The following CRAMP1 variants were observed in gnomAD, a reference collection of about 807,000 sequenced individuals.
CRAMP1 encodes cramped chromatin regulator 1, also known as protein cramped-like.
A neutral mutation model predicts 115.4 loss-of-function variants in CRAMP1; 50 were observed. The ratio of observed to expected loss-of-function variants is 0.43; its 90% confidence interval spans 0.35 to 0.55. CRAMP1 has a LOEUF of 0.55. Ranked by LOEUF, CRAMP1 falls within the 20% of genes least tolerant of loss-of-function variation. CRAMP1 has a pLI of 0.01. For missense variants in CRAMP1, 1,679 were observed against 1,721.7 expected (o/e 0.98, Z 0.44); for synonymous variants, 866 against 745.4 (o/e 1.16, Z -2.64).
At chr16:1,622,979 T>G (rs1025134985) in intron 2 of CRAMP1, among the ~76,000 whole-genome samples, 2 of 152,002 alleles carry the variant, frequency 1.3e-5, no homozygotes, top group Non-Finnish European at 2.9e-5. Flanking sequence ...CAGACTGATC[T>G]CGAATTCCTG....
intron 7 of CRAMP1, 67 bp downstream of exon 7, chr16:1,652,648 G>C (rs1310521925): frequency 7.2e-7 from 1 of 1,387,428 alleles, no homozygotes; most frequent in African/African-American, 1.4e-5. Flanking sequence ...TGATGGGCAG[G>C]CTGAGCTACC....
At chr16:1,648,319 T>C (rs188652095) in intron 6 of CRAMP1, among the ~76,000 whole-genome samples, 346 of 152,226 alleles carry the variant, frequency 2.3e-3, no homozygotes, top group African/African-American at 8.0e-3. Flanking sequence ...TATTTTAGAA[T>C]TGACTTGAGC....
At chr16:1,657,063 C>T in intron 10 of CRAMP1, 71 bp downstream of exon 10, 2 of 1,348,302 alleles carry the variant, frequency 1.5e-6, no homozygotes, top group South Asian at 3.0e-5. Context: ...GGGCTCCCTG[C>T]TGGGTAGCTA....
chr16:1,636,239 C>T lies in CRAMP1; in HGVS notation c.695-1585C>T, dbSNP rs531529033. Among the ~76,000 whole-genome samples the T allele has an allele frequency of 3.3e-5, 5 of 152,196 alleles. No homozygotes were observed. The East Asian group carries it at 9.7e-4, about 29-fold the overall frequency. ...TACAAACATTAGCAGGGCGTGGTGG[C>T]GCATGCCTGTAATCCCAGCTACTTG... is the stretch of plus-strand genomic sequence containing the variant. On this transcript the variant is annotated intron_variant, in intron 4 of 20. Transcript: ENST00000397412.
chr16:1,659,972 C>A lies in CRAMP1; in HGVS notation c.2322C>A (p.Thr774=), dbSNP rs377062723. The change falls in exon 11 of 21, where the codon ACC becomes ACA. Residue 774 remains threonine (T), a synonymous_variant. Coordinates refer to ENST00000397412, the MANE Select transcript of CRAMP1 (RefSeq NM_020825.4). ...QSMTPPGKVV[T]VSSRSPRCPR... is the part of the protein sequence containing the mutation. ...TGACGCCCCCAGGGAAGGTGGTGACCGTCAGCTCTCGCAGCCCCCGCTGCC... is the reference window on the plus strand; with the variant it reads ...TGACGCCCCCAGGGAAGGTGGTGACAGTCAGCTCTCGCAGCCCCCGCTGCC... The A allele has an allele frequency of 1.9e-6, 3 of 1,608,828 alleles. No individual in the cohort carries two copies. The East Asian group carries it at 6.7e-5, about 36-fold the overall frequency.
At chr16:1,665,654 T>C in intron 14 of CRAMP1, 1 of 223,148 alleles carries the variant, frequency 4.5e-6, no homozygotes, top group Non-Finnish European at 8.9e-6. Context: ...CAGCTGTCAA[T>C]TGCTTTTTCT....
At position 1,614,672 on chromosome 16, in the gene CRAMP1, G is replaced by A; in HGVS notation, c.33G>A (p.Gly11=). 7.7e-7 allele frequency: 1 copy of A among 1,303,512 alleles called. No individual in the cohort carries two copies. The highest frequency in any genetic ancestry group is 1.5e-5 in the African/African-American group (1 of 64,652). The allele number at this position is 1,303,512 out of a possible 1,614,324, so 80.7% of individuals were successfully genotyped here. MTVKLGDGGS[G]EDGLKKLGKR... is the part of the protein sequence containing the mutation. ...TGAAGTTGGGCGACGGCGGCAGCGGGGAGGACGGGCTCAAGAAGCTGGGCA... is the reference window on the plus strand; with the variant it reads ...TGAAGTTGGGCGACGGCGGCAGCGGAGAGGACGGGCTCAAGAAGCTGGGCA... The change falls in exon 2 of 21, where the codon GGG becomes GGA. Residue 11 remains glycine (G), a synonymous_variant. Coordinates refer to ENST00000397412, the MANE Select transcript of CRAMP1 (RefSeq NM_020825.4). This position sits in a 1 kb window ranked among gnomAD's most constrained non-coding sequence, Gnocchi z 4.4.
chr16:1,618,304 AAAT>A lies in CRAMP1; in HGVS notation c.346+3322_346+3324del, dbSNP rs146482463. 6.6e-5 allele frequency among the ~76,000 whole-genome samples: 10 copies of A among 152,278 alleles called. No homozygotes were observed. The East Asian group carries it at 1.7e-3, about 26-fold the overall frequency. On this transcript the variant is annotated intron_variant, in intron 2 of 20. Coordinates refer to ENST00000397412, the MANE Select transcript of CRAMP1 (RefSeq NM_020825.4). ...TCTCTAAATAAATAAATAAATATAAAAATAAACACCTGCCTTAAGTCACAAGGT... is the reference window on the plus strand; with the variant it reads ...TCTCTAAATAAATAAATAAATATAAAAAACACCTGCCTTAAGTCACAAGGT...
chr16:1,676,490 A>T lies in CRAMP1; in HGVS notation c.*2445A>T, dbSNP rs1044316983. On this transcript the variant is annotated 3_prime_UTR_variant, in exon 21 of 21. Coordinates refer to ENST00000397412, the MANE Select transcript of CRAMP1 (RefSeq NM_020825.4). Reference sequence around the variant, plus strand: ...TTATGTGCAAACATAGGCAACTGTTAAAGGCTGGAATTTTCAAAAGATCCA... The same window carrying T: ...TTATGTGCAAACATAGGCAACTGTTTAAGGCTGGAATTTTCAAAAGATCCA... 3 of 152,026 alleles carry T rather than the reference A, an allele frequency of 2.0e-5. No homozygotes were observed. Among genetic ancestry groups the T allele is most frequent in the African/African-American group, 7.3e-5 (3 of 41,310 alleles). 9.4% of individuals were successfully genotyped at this position (152,026 alleles called of 1,614,324 possible). A position where few individuals can be genotyped will look rare whatever the true frequency, so the allele number is the denominator to read the frequency against.
intron 4 of CRAMP1, among the ~76,000 whole-genome samples, chr16:1,637,544 G>C (rs1353811925): frequency 6.6e-6 from 1 of 152,246 alleles, no homozygotes; most frequent in Admixed American, 6.5e-5. Context: ...AGTACCAGCT[G>C]TTCTGAGTGT....
intron 5 of CRAMP1, among the ~76,000 whole-genome samples, chr16:1,639,816 G>T (rs1226251794): frequency 6.6e-6 from 1 of 152,206 alleles, no homozygotes; most frequent in Admixed American, 6.5e-5. Flanking sequence ...CTTAGGTGTG[G>T]AAAGTTGGGG....
intron 2 of CRAMP1, chr16:1,620,671 C>CT (rs1567446640): frequency 2.2e-6 from 1 of 456,892 alleles, no homozygotes; most frequent in Non-Finnish European, 4.4e-6. Context: ...CTCTGGCTGT[C>CT]TATTAGCCGC....
intron 2 of CRAMP1, among the ~76,000 whole-genome samples, chr16:1,623,818 G>A (rs1179617922): frequency 6.6e-6 from 1 of 152,222 alleles, no homozygotes; most frequent in Non-Finnish European, 1.5e-5. Flanking sequence ...GAACCACCTG[G>A]TTGATTAAGT....
chr16:1,655,341 G>C, intron 9 of CRAMP1, 41 bp downstream of exon 9: 1 of 1,516,296 alleles, frequency 6.6e-7, no homozygotes. Flanking sequence ...AGGCTGCGCT[G>C]CCTCTGCTGC....
chr16:1,638,674 A>AT (rs2036607897), intron 5 of CRAMP1, among the ~76,000 whole-genome samples: 1 of 152,062 alleles, frequency 6.6e-6, no homozygotes, highest in Admixed American at 6.6e-5. Context: ...ACTGTAGGGG[A>AT]TCCCCCCCTC....
intron 10 of CRAMP1, among the ~76,000 whole-genome samples, chr16:1,659,079 G>A (rs1323793492): frequency 6.6e-6 from 1 of 152,178 alleles, no homozygotes; most frequent in African/African-American, 2.4e-5. Context: ...CCCCAAAGTT[G>A]GGCTTCATCC....
intron 5 of CRAMP1, among the ~76,000 whole-genome samples, chr16:1,639,451 G>A (rs539713626): frequency 6.6e-5 from 10 of 151,620 alleles, no homozygotes; most frequent in African/African-American, 2.4e-4. Flanking sequence ...CTATGTAAAT[G>A]AAGTAGTGGC....
In CRAMP1 at chr16:1,666,287, T is replaced by G. The variant is rs997136482; in HGVS notation, c.2857+110T>G. The G allele has an allele frequency of 1.7e-6, 2 of 1,175,396 alleles. No individual in the cohort carries two copies. Among genetic ancestry groups the G allele is most frequent in the Admixed American group, 2.1e-5 (1 of 48,372 alleles). 72.8% of individuals were successfully genotyped at this position (1,175,396 alleles called of 1,614,324 possible). A position where few individuals can be genotyped will look rare whatever the true frequency, so the allele number is the denominator to read the frequency against. On this transcript the variant is annotated intron_variant, in intron 15 of 20. Transcript: ENST00000397412. This position sits in a 1 kb window ranked among gnomAD's most constrained non-coding sequence, Gnocchi z 5.0. ...TCCAAATCATAATGTCTCATTACCC[T>G]TCACCAAGAACATCTAAGCCCTTGG...
In CRAMP1 at chr16:1,656,546, C is replaced by T. The variant is rs1341092217; in HGVS notation, c.1789C>T (p.Pro597Ser). The change falls in exon 10 of 21, where the codon CCA becomes TCA. Residue 597 changes from proline to serine, a missense_variant. Around this residue, in one of 8 missense-constraint regions of CRAMP1, gnomAD observed 405 missense variants for 302.6 expected, o/e 1.34. Transcript: ENST00000397412. This position sits in a 1 kb window ranked among gnomAD's most constrained non-coding sequence, Gnocchi z 5.6. The part of the protein sequence containing the change: ...EQPPLGGAAS[P>S]EVLAPVSKEA... ...GCCCCCTCTGGGCGGGGCGGCCTCCCCAGAGGTGCTGGCTCCTGTCAGCAA... is the reference window on the plus strand; with the variant it reads ...GCCCCCTCTGGGCGGGGCGGCCTCCTCAGAGGTGCTGGCTCCTGTCAGCAA... 1 of 1,557,576 alleles carries T rather than the reference C, an allele frequency of 6.4e-7. No homozygotes were observed. The highest frequency in any genetic ancestry group is 1.4e-5 in the African/African-American group (1 of 73,374).
Sources: gnomAD v4.1 joint callset for allele counts (sites outside exome capture counted in the v4.1 genomes callset) on GRCh38, gnomAD v4.1.1 for gene constraint, gnomAD v4.1.1 regional missense constraint, Gnocchi (gnomAD v3.1) non-coding constraint, MANE v1.5 for transcripts, NCBI Gene and HGNC (gene_info 2026-07-23, HGNC 2026-07-21) for gene names.